The following CDRT4 variants were observed in gnomAD, a reference collection of about 807,000 sequenced individuals.
The protein encoded by CDRT4 is CMT1A duplicated region transcript 4 protein.
For synonymous variants in CDRT4, 64 were observed against 69.6 expected (o/e 0.92, Z 0.40); for missense variants, 167 against 193.1 (o/e 0.87, Z 0.80).
At chr17:15,447,766 A>G (rs1218273567) in intron 2 of CDRT4, among the ~76,000 whole-genome samples, 2 of 152,194 alleles carry the variant, frequency 1.3e-5, no homozygotes, top group African/African-American at 4.8e-5. Flanking sequence ...AAATTTAAAA[A>G]TAGAATTTCC....
rs897717200 is a variant in CDRT4, at chr17:15,464,165, G to A, written c.-130+3295C>T. 6.6e-6 allele frequency among the ~76,000 whole-genome samples: 1 copy of A among 152,148 alleles called. No homozygotes were observed. Among genetic ancestry groups the A allele is most frequent in the Middle Eastern group, 3.2e-3 (1 of 316 alleles). ...GTAACTTATTAACCTCTCTGGCCGC[G>A]TTTTTCTCTGGTGATGTGTCACTGA... On this transcript the variant is annotated intron_variant, in intron 1 of 3. Transcript: ENST00000619038. The surrounding 1 kb of genome is among the most constrained non-coding windows in gnomAD (Gnocchi z 4.5).
chr17:15,446,293 C>A (rs112719234), intron 2 of CDRT4, among the ~76,000 whole-genome samples: 73 of 152,262 alleles, frequency 4.8e-4, no homozygotes, highest in Non-Finnish European at 8.4e-4. Context: ...CTCTCCACTT[C>A]TTTACCCCGC....
At chr17:15,452,134 G>A (rs188331580) in intron 2 of CDRT4, among the ~76,000 whole-genome samples, 149 of 152,336 alleles carry the variant, frequency 9.8e-4, no homozygotes, top group Non-Finnish European at 1.3e-3. Flanking sequence ...AAGGTGGGAC[G>A]TTATCCTGAA....
chr17:15,440,157 C>A lies in CDRT4; in HGVS notation c.31+51G>T, dbSNP rs1041062270. On this transcript the variant is annotated intron_variant, in intron 3 of 3. Coordinates refer to ENST00000619038, the MANE Select transcript of CDRT4 (RefSeq NM_001204477.2). The stretch of plus-strand genomic sequence containing the variant: ...CTCTTCCCACTGCGAATCCTCCAAC[C>A]CTAGACGGCCCCAGTGCAGGAGCTT... 3 of 1,604,568 alleles carry A rather than the reference C, an allele frequency of 1.9e-6. No individual in the cohort carries two copies. In the African/African-American group the frequency reaches 4.0e-5, roughly 22 times the overall value.
intron 1 of CDRT4, among the ~76,000 whole-genome samples, chr17:15,454,414 A>G (rs1044520516): frequency 6.6e-5 from 10 of 152,170 alleles, no homozygotes; most frequent in Admixed American, 2.6e-4. Flanking sequence ...CCCTGAGCAG[A>G]ACATCCGTAT....
intron 1 of CDRT4, among the ~76,000 whole-genome samples, chr17:15,463,504 G>C (rs1979852448): frequency 6.6e-6 from 1 of 152,138 alleles, no homozygotes; most frequent in Non-Finnish European, 1.5e-5. Flanking sequence ...GAAAAGCAAA[G>C]TAGGCCAACT....
At chr17:15,448,343 G>A (rs1197785613) in intron 2 of CDRT4, among the ~76,000 whole-genome samples, 3 of 152,190 alleles carry the variant, frequency 2.0e-5, no homozygotes, top group African/African-American at 7.2e-5. Flanking sequence ...TTCCAGGAAG[G>A]GAATCACTCA....
rs1448967181 is a variant in CDRT4, at chr17:15,450,511, A to G, written c.-48+2493T>C. Among the ~76,000 whole-genome samples, 1 of 151,778 alleles carries G rather than the reference A, an allele frequency of 6.6e-6. No homozygotes were observed. Among genetic ancestry groups the G allele is most frequent in the Non-Finnish European group, 1.5e-5 (1 of 67,966 alleles). ...CACCTGGTTTCCATGATGCCACAGG[A>G]GTGGAATCCCACCATCACTCAGCAA... On this transcript the variant is annotated intron_variant, in intron 2 of 3. Transcript: ENST00000619038. This position sits in a 1 kb window ranked among gnomAD's most constrained non-coding sequence, Gnocchi z 4.2.
At chr17:15,460,193 A>G (rs940158358) in intron 1 of CDRT4, among the ~76,000 whole-genome samples, 2 of 152,124 alleles carry the variant, frequency 1.3e-5, no homozygotes, top group Admixed American at 6.5e-5. Context: ...CTCCCACCAC[A>G]TTCAAAACCT....
chr17:15,439,345 G>A (rs1035030471), intron 3 of CDRT4, among the ~76,000 whole-genome samples: 6 of 151,820 alleles, frequency 4.0e-5, no homozygotes, highest in African/African-American at 1.2e-4. Flanking sequence ...ACGCTGCCTC[G>A]TGGCTGTCCA....
At chr17:15,461,034 T>A (rs1979724772) in intron 1 of CDRT4, among the ~76,000 whole-genome samples, 2 of 152,200 alleles carry the variant, frequency 1.3e-5, no homozygotes, top group Non-Finnish European at 2.9e-5. Context: ...AATGTTGCCT[T>A]CTCAGAAAGG....
At chr17:15,466,164 A>G (rs1980033751) in intron 1 of CDRT4, among the ~76,000 whole-genome samples, 1 of 151,950 alleles carries the variant, frequency 6.6e-6, no homozygotes, top group Admixed American at 6.6e-5. Flanking sequence ...CTGACAAGTG[A>G]CAGAGTCTGG....
intron 2 of CDRT4, among the ~76,000 whole-genome samples, chr17:15,451,477 T>C (rs1254449822): frequency 7.4e-6 from 1 of 134,822 alleles, no homozygotes; most frequent in African/African-American, 3.2e-5. Context: ...CATTCCCCCC[T>C]CCATTTAGAA....
At chr17:15,463,615 G>A (rs554704997) in intron 1 of CDRT4, among the ~76,000 whole-genome samples, 3 of 152,092 alleles carry the variant, frequency 2.0e-5, no homozygotes, top group Non-Finnish European at 4.4e-5. Context: ...TGACTTTCCC[G>A]GCACATTCCA....
chr17:15,440,425 G>A (rs1448218361), intron 2 of CDRT4, 140 bp from the exon 3 acceptor site: 2 of 986,466 alleles, frequency 2.0e-6, no homozygotes, highest in Non-Finnish European at 3.0e-6. Flanking sequence ...AAGAGGACAT[G>A]TTTTTTGTGG....
At position 15,461,421 on chromosome 17, in the gene CDRT4, G is replaced by A. The variant is rs146352568; in HGVS notation, c.-130+6039C>T. ...TAGGAATGCTGGGAAGACTTCCTGG[G>A]GTAGATGACTTGAGTTTATTTTATT... On this transcript the variant is annotated intron_variant, in intron 1 of 3. Transcript: ENST00000619038. Among the ~76,000 whole-genome samples the A allele has an allele frequency of 9.2e-5, 14 of 152,330 alleles. No individual in the cohort carries two copies. In the East Asian group the frequency reaches 2.5e-3, roughly 27 times the overall value.
In CDRT4 at chr17:15,437,499, C is replaced by G. The variant is rs181668714; in HGVS notation, c.*274G>C. On this transcript the variant is annotated 3_prime_UTR_variant, in exon 4 of 4. Transcript: ENST00000619038. The stretch of plus-strand genomic sequence containing the variant: ...TCCTGCCTGGACCCAGACAAATCAC[C>G]CACATTTTGGTCCTGAGAATCTGCA... 2.3e-3 allele frequency: 1,140 copies of G among 498,816 alleles called. 5 individuals carry two copies. The highest frequency in any genetic ancestry group is 3.4e-3 in the Non-Finnish European group (947 of 281,012). 30.9% of individuals were successfully genotyped at this position (498,816 alleles called of 1,614,324 possible).
rs1230040495 is a variant in CDRT4, at chr17:15,450,160, T to C, written c.-48+2844A>G. ...ACTTTTTTCAATAGAAGTTAAATAT[T>C]TTATATTCCCACCAAGCAACTATTT... On this transcript the variant is annotated intron_variant, in intron 2 of 3. Coordinates refer to ENST00000619038, the MANE Select transcript of CDRT4 (RefSeq NM_001204477.2). The surrounding 1 kb of genome is among the most constrained non-coding windows in gnomAD (Gnocchi z 4.2). Among the ~76,000 whole-genome samples the C allele has an allele frequency of 6.6e-6, 1 of 152,210 alleles. No homozygotes were observed. The highest frequency in any genetic ancestry group is 1.5e-5 in the Non-Finnish European group (1 of 68,042).
At chr17:15,439,289 G>A (rs2906987) in intron 3 of CDRT4, 83,069 of 418,284 alleles carry the variant, frequency 0.2, 12,411 homozygotes, top group East Asian at 0.53. Context: ...AAAAAATGCC[G>A]TAAATGGGGA....
Sources: gnomAD v4.1 joint callset for allele counts (sites outside exome capture counted in the v4.1 genomes callset) on GRCh38, gnomAD v4.1.1 for gene constraint, Gnocchi (gnomAD v3.1) non-coding constraint, MANE v1.5 for transcripts, NCBI Gene and HGNC (gene_info 2026-07-23, HGNC 2026-07-21) for gene names.